Variants in GDF5 observed in about 807,000 individuals in gnomAD.
The protein encoded by GDF5 is growth differentiation factor 5, also known as growth/differentiation factor 5.
In GDF5, 17 loss-of-function variants were observed where a neutral mutation model predicts 34.6. The ratio of observed to expected loss-of-function variants is 0.49; its 90% confidence interval spans 0.34 to 0.74. The LOEUF is 0.74. Among genes scored for constraint, GDF5 ranks in the 30% least tolerant of loss-of-function variants. The pLI, the probability that GDF5 is intolerant of heterozygous loss-of-function variation, is 0.01. For synonymous variants in GDF5, 332 were observed against 290.7 expected, an observed-to-expected ratio of 1.14 and a Z score of -1.44; for missense variants, 616 against 661.2, an observed-to-expected ratio of 0.93 and a Z score of 0.75.
At chr20:35,444,310 T>C (rs1488230668) in intron 1 of GDF5, among the ~76,000 whole-genome samples, 1 of 152,190 alleles carries the variant, frequency 6.6e-6, no homozygotes, top group Non-Finnish European at 1.5e-5. Context: ...GTGTCTATTT[T>C]AGCAAGGAAT....
At chr20:35,438,367 C>CACACACACAG (rs1403537627), upstream of GDF5, 2 of 180,156 alleles carry the variant, frequency 1.1e-5, no homozygotes, top group Admixed American at 1.1e-4. Context: ...TTCACACACA[C>CACACACACAG]ACACACACAC....
intron 1 of GDF5, among the ~76,000 whole-genome samples, chr20:35,451,605 G>C (rs2062534117): frequency 6.8e-6 from 1 of 146,976 alleles, no homozygotes; most frequent in South Asian, 2.2e-4. Flanking sequence ...TTTCGAGACA[G>C]GGTCTTACTC....
At chr20:35,449,100 T>C (rs974896989) in intron 1 of GDF5, among the ~76,000 whole-genome samples, 1 of 152,146 alleles carries the variant, frequency 6.6e-6, no homozygotes, top group Non-Finnish European at 1.5e-5. Context: ...CACATGCTGC[T>C]TGGAATCCCC....
In GDF5 at chr20:35,433,376, T is replaced by C. The variant is rs2062451127; in HGVS notation, c.*533A>G. ...AGGCACAGTTTTGCTTTTTATCTCA[T>C]CAATATACATTTAAATCTAACAGTC... On this transcript the variant is annotated 3_prime_UTR_variant, in exon 2 of 2. Transcript: ENST00000374369. The C allele has an allele frequency of 9.4e-6, 3 of 318,454 alleles. No individual in the cohort carries two copies. In the Admixed American group the frequency reaches 1.3e-4, roughly 13 times the overall value. The allele number at this position is 318,454 out of a possible 1,614,324, so 19.7% of individuals were successfully genotyped here.
At chr20:35,438,824 C>CGTGTGTGTGTGTGT (rs57641919), upstream of GDF5, among the ~76,000 whole-genome samples, 4,878 of 126,316 alleles carry the variant, frequency 0.039, 174 homozygotes, top group East Asian at 0.065. Context: ...ATTTGTTATG[C>CGTGTGTGTGTGTGT]GTGTGTGTGT....
chr20:35,453,719 T>C (rs559269774), intron 1 of GDF5, among the ~76,000 whole-genome samples: 109 of 152,366 alleles, frequency 7.2e-4, no homozygotes, highest in African/African-American at 2.5e-3. Flanking sequence ...TTTTGTGTTC[T>C]TACAGGAGAA....
intron 1 of GDF5, chr20:35,435,421 C>T (rs7267783): frequency 0.31 from 39,414 of 128,044 alleles, 5,671 homozygotes; most frequent in Middle Eastern, 0.5. Flanking sequence ...TATTGCACTC[C>T]GGCCTGGGCA....
chr20:35,440,105 C>T (rs6120944), upstream of GDF5, among the ~76,000 whole-genome samples: 2,741 of 151,112 alleles, frequency 0.018, 80 homozygotes, highest in African/African-American at 0.062. Context: ...TTAGTAGAGA[C>T]GGAGTTTCAC....
At position 35,433,677 on chromosome 20, in the gene GDF5, T is replaced by C. The variant is rs2062452862; in HGVS notation, c.*232A>G. On this transcript the variant is annotated 3_prime_UTR_variant, in exon 2 of 2. Coordinates refer to ENST00000374369, the MANE Select transcript of GDF5 (RefSeq NM_000557.5). ...GAGTCTGTCTCCCTGGACCTGTGCC[T>C]GCCACTGGTCACATCAGCAGACGGG... is the stretch of plus-strand genomic sequence containing the variant. 6.7e-6 allele frequency: 4 copies of C among 596,644 alleles called. No individual in the cohort carries two copies. In the East Asian group the frequency reaches 1.2e-4, roughly 18 times the overall value. 37.0% of individuals were successfully genotyped at this position (596,644 alleles called of 1,614,324 possible).
chr20:35,436,758 G>A (rs2062474289), intron 1 of GDF5, among the ~76,000 whole-genome samples: 1 of 152,124 alleles, frequency 6.6e-6, no homozygotes, highest in African/African-American at 2.4e-5. Context: ...TGCGAGTTAG[G>A]CCCTGGGTCT....
At chr20:35,438,290 C>T (rs1021665758), upstream of GDF5, 9 of 309,834 alleles carry the variant, frequency 2.9e-5, no homozygotes, top group Admixed American at 8.5e-5. Context: ...GGAAGAATGG[C>T]GTAATGCTGC....
chr20:35,454,201 C>G, intron 1 of GDF5: 1 of 361,446 alleles, frequency 2.8e-6, no homozygotes, highest in South Asian at 2.1e-5. Flanking sequence ...CGCCTGTAAT[C>G]CCAGCCCTTT....
At chr20:35,439,875 C>T (rs1387386773), upstream of GDF5, among the ~76,000 whole-genome samples, 2 of 133,296 alleles carry the variant, frequency 1.5e-5, no homozygotes, top group African/African-American at 2.8e-5. Context: ...AGAAGGATGG[C>T]GGGGGAGAAG....
chr20:35,434,297 A>G lies in GDF5; in HGVS notation c.1118T>C (p.Leu373Pro). Reference sequence around the variant, plus strand: ...CCGCCGTTTTCGCCGCTGGCTGAACAGGTACTCATACACGGTCTTATCGTC... The same window carrying G: ...CCGCCGTTTTCGCCGCTGGCTGAACGGGTACTCATACACGGTCTTATCGTC... ...GQDDKTVYEY[L>P]FSQRRKRRAP... The change falls in exon 2 of 2, where the codon CTG becomes CCG. Residue 373 changes from leucine to proline, a missense_variant. Coordinates refer to ENST00000374369, the MANE Select transcript of GDF5 (RefSeq NM_000557.5). 6.2e-7 allele frequency: 1 copy of G among 1,614,106 alleles called. No homozygotes were observed. Among genetic ancestry groups the G allele is most frequent in the Non-Finnish European group, 8.5e-7 (1 of 1,180,016 alleles).
chr20:35,448,396 T>C (rs1380794436), intron 1 of GDF5, among the ~76,000 whole-genome samples: 1 of 109,470 alleles, frequency 9.1e-6, no homozygotes, highest in Non-Finnish European at 1.8e-5. Flanking sequence ...TTTGTTTTTT[T>C]CAAAAAAAAA....
In GDF5 at chr20:35,437,376, T is replaced by G; in HGVS notation, c.553A>C (p.Arg185=). 1.2e-6 allele frequency: 2 copies of G among 1,612,800 alleles called. No individual in the cohort carries two copies. The highest frequency in any genetic ancestry group is 8.5e-7 in the Non-Finnish European group (1 of 1,178,970). ...SLYRTLSDAD[R]KGGNSSVKLE... Reference sequence around the variant, plus strand: ...TTCACGCTGCTGTTGCCTCCCTTTCTGTCAGCATCGGACAGCGTCCTGTAC... The same window carrying G: ...TTCACGCTGCTGTTGCCTCCCTTTCGGTCAGCATCGGACAGCGTCCTGTAC... Residue 185 remains arginine, a synonymous_variant, in exon 1 of 2, where the codon AGA becomes CGA. Transcript: ENST00000374369.
At position 35,433,664 on chromosome 20, in the gene GDF5, C is replaced by G; in HGVS notation, c.*245G>C. The G allele has an allele frequency of 1.7e-6, 1 of 577,042 alleles. No individual in the cohort carries two copies. The highest frequency in any genetic ancestry group is 1.8e-5 in the South Asian group (1 of 54,154). 35.7% of individuals were successfully genotyped at this position (577,042 alleles called of 1,614,324 possible). A position where few individuals can be genotyped will look rare whatever the true frequency, so the allele number is the denominator to read the frequency against. On this transcript the variant is annotated 3_prime_UTR_variant, in exon 2 of 2. Transcript: ENST00000374369. ...TCAGTCCCATTCAGAGTCTGTCTCC[C>G]TGGACCTGTGCCTGCCACTGGTCAC...
Position 35,434,188 on chromosome 20 carries a change from G to A in GDF5, c.1227C>T (p.Phe409=). The A allele has an allele frequency of 1.2e-6, 2 of 1,614,216 alleles. No individual in the cohort carries two copies. The highest frequency in any genetic ancestry group is 2.7e-5 in the African/African-American group (2 of 75,044). Residue 409 remains phenylalanine, a synonymous_variant, in exon 2 of 2, where the codon TTC becomes TTT. Coordinates refer to ENST00000374369, the MANE Select transcript of GDF5 (RefSeq NM_000557.5). ...TCCAGTCGTCCCAGCCCATGTCCTTGAAGTTGACATGCAGTGCCTTCCGAC... is the reference window on the plus strand; with the variant it reads ...TCCAGTCGTCCCAGCCCATGTCCTTAAAGTTGACATGCAGTGCCTTCCGAC... The part of the protein sequence containing the change: ...RCSRKALHVN[F]KDMGWDDWII...
At chr20:35,442,477 G>A (rs2062500973), upstream of GDF5, among the ~76,000 whole-genome samples, 1 of 151,328 alleles carries the variant, frequency 6.6e-6, no homozygotes, top group South Asian at 2.1e-4. Flanking sequence ...GCCTCCCCTA[G>A]TGCTGGGATT....
Sources: gnomAD v4.1 joint callset for allele counts (sites outside exome capture counted in the v4.1 genomes callset) on GRCh38, gnomAD v4.1.1 for gene constraint, MANE v1.5 for transcripts, NCBI Gene and HGNC (gene_info 2026-07-23, HGNC 2026-07-21) for gene names.